The following RIC1 variants were observed in gnomAD, a reference collection of about 807,000 sequenced individuals.
RIC1 encodes RIC1 partner of RAB6A GEF complex.
In RIC1, 88 loss-of-function variants were observed where a neutral mutation model predicts 169.0. That is an observed-to-expected ratio of 0.52 (90% CI 0.44 to 0.62). The LOEUF (loss-of-function observed/expected upper bound fraction) is 0.62. Ranked by LOEUF, RIC1 falls within the 20% of genes least tolerant of loss-of-function variation. The pLI, the probability that RIC1 is intolerant of heterozygous loss-of-function variation, is 0.00. For missense variants in RIC1, 1,877 were observed against 1,725.5 expected (o/e 1.09, Z -1.56); for synonymous variants, 790 against 601.5 (o/e 1.31, Z -4.59).
At chr9:5,657,631 C>G (rs1819178444) in intron 2 of RIC1, among the ~76,000 whole-genome samples, 2 of 152,052 alleles carry the variant, frequency 1.3e-5, no homozygotes, top group Non-Finnish European at 2.9e-5. Context: ...TAATTTATCT[C>G]TTTGCGTTGG....
chr9:5,681,731 G>T (rs200516541), intron 2 of RIC1, among the ~76,000 whole-genome samples: 4 of 152,114 alleles, frequency 2.6e-5, no homozygotes, highest in African/African-American at 4.8e-5. Context: ...CTGTCTAATG[G>T]TGACAGTGGG....
At chr9:5,636,748 T>C (rs1017441880) in intron 1 of RIC1, among the ~76,000 whole-genome samples, 2 of 152,218 alleles carry the variant, frequency 1.3e-5, no homozygotes, top group Non-Finnish European at 2.9e-5. Context: ...TTGGTGGTTT[T>C]TAGGTTTTTC....
At chr9:5,657,984 T>C (rs922095536) in intron 2 of RIC1, among the ~76,000 whole-genome samples, 1 of 152,128 alleles carries the variant, frequency 6.6e-6, no homozygotes, top group Non-Finnish European at 1.5e-5. Context: ...CAATAGCAGA[T>C]TGAATTGAAG....
In RIC1 at chr9:5,726,372, C is replaced by G. The variant is rs1292078130; in HGVS notation, c.720+5622C>G. ...TCTGTTTTATCAGATACTAGGATTG[C>G]AACCCCTGCTTTTTTTTGTTTTCCA... On this transcript the variant is annotated intron_variant, in intron 6 of 25. Coordinates refer to ENST00000414202, the MANE Select transcript of RIC1 (RefSeq NM_020829.4). Among the ~76,000 whole-genome samples the G allele has an allele frequency of 8.5e-5, 13 of 152,292 alleles. No homozygotes were observed. The East Asian group carries it at 2.3e-3, about 27-fold the overall frequency.
intron 1 of RIC1, among the ~76,000 whole-genome samples, chr9:5,652,117 G>A (rs1818838299): frequency 6.6e-6 from 1 of 152,060 alleles, no homozygotes; most frequent in Non-Finnish European, 1.5e-5. Context: ...ATACAGCTTT[G>A]TAGTATATTT....
intron 2 of RIC1, among the ~76,000 whole-genome samples, chr9:5,673,655 C>T (rs1820261551): frequency 6.6e-6 from 1 of 150,586 alleles, no homozygotes; most frequent in Non-Finnish European, 1.5e-5. Flanking sequence ...TGGAATATCA[C>T]ACAAATACTA....
Position 5,752,283 on chromosome 9 carries a change from A to G in RIC1, c.1453-917A>G, listed in dbSNP as rs140613652. Among the ~76,000 whole-genome samples the G allele has an allele frequency of 1.1e-4, 17 of 152,294 alleles. No individual in the cohort carries two copies. The East Asian group carries it at 3.3e-3, about 29-fold the overall frequency. ...AAAGTTCTTGTAGATAAGTAAGTCAAATACCCCAATAGAAAAATAATAGCT... is the reference window on the plus strand; with the variant it reads ...AAAGTTCTTGTAGATAAGTAAGTCAGATACCCCAATAGAAAAATAATAGCT... On this transcript the variant is annotated intron_variant, in intron 12 of 25. Coordinates refer to ENST00000414202, the MANE Select transcript of RIC1 (RefSeq NM_020829.4).
intron 4 of RIC1, among the ~76,000 whole-genome samples, chr9:5,717,154 T>C (rs1166023931): frequency 1.3e-5 from 2 of 152,212 alleles, no homozygotes; most frequent in East Asian, 1.9e-4. Flanking sequence ...TAGGTTACAT[T>C]TTCCTGTTTA....
At chr9:5,717,844 A>T (rs530565459) in intron 4 of RIC1, among the ~76,000 whole-genome samples, 3 of 151,100 alleles carry the variant, frequency 2.0e-5, no homozygotes, top group South Asian at 2.1e-4. Flanking sequence ...TTAAAAATAA[A>T]AAAAAAAAAA....
intron 11 of RIC1, 62 bp downstream of exon 11, chr9:5,746,145 T>A (rs997544014): frequency 1.5e-6 from 2 of 1,326,074 alleles, no homozygotes; most frequent in Non-Finnish European, 2.1e-6. Flanking sequence ...AGACCCTTCT[T>A]TATGACATAT....
At position 5,655,362 on chromosome 9, in the gene RIC1, A is replaced by G. The variant is rs138433706; in HGVS notation, c.145-1221A>G. Among the ~76,000 whole-genome samples the G allele has an allele frequency of 3.3e-5, 5 of 152,042 alleles. No individual in the cohort carries two copies. The East Asian group carries it at 9.7e-4, about 29-fold the overall frequency. On this transcript the variant is annotated intron_variant, in intron 1 of 25. Transcript: ENST00000414202. Reference sequence around the variant, plus strand: ...TTTGCCCAGGCTGGAGTGCAGTCTCACAATCTCAGCTCACTGCAACCTCCA... The same window carrying G: ...TTTGCCCAGGCTGGAGTGCAGTCTCGCAATCTCAGCTCACTGCAACCTCCA...
intron 6 of RIC1, among the ~76,000 whole-genome samples, chr9:5,725,148 G>T (rs1823883126): frequency 1.3e-5 from 2 of 152,100 alleles, no homozygotes; most frequent in African/African-American, 2.4e-5. Flanking sequence ...GTTCCTCTTT[G>T]TACCTCTGAT....
At chr9:5,695,771 A>G (rs1003506713) in intron 3 of RIC1, among the ~76,000 whole-genome samples, 9 of 151,952 alleles carry the variant, frequency 5.9e-5, no homozygotes, top group African/African-American at 1.2e-4. Flanking sequence ...GGGTTTCACT[A>G]TGTTGGCCAG....
At chr9:5,769,628 T>G (rs1342801124) in intron 22 of RIC1, 1 of 403,454 alleles carries the variant, frequency 2.5e-6, no homozygotes, top group African/African-American at 2.1e-5. Flanking sequence ...AGGGGAACAG[T>G]AAGGCCACCT....
At chr9:5,751,382 G>A (rs1274904461) in intron 12 of RIC1, among the ~76,000 whole-genome samples, 1 of 151,846 alleles carries the variant, frequency 6.6e-6, no homozygotes, top group Non-Finnish European at 1.5e-5. Context: ...GGGAGACAGA[G>A]TCTCACTCTG....
At chr9:5,663,558 C>A (rs1268000415) in intron 2 of RIC1, among the ~76,000 whole-genome samples, 5 of 151,832 alleles carry the variant, frequency 3.3e-5, no homozygotes, top group African/African-American at 1.2e-4. Flanking sequence ...TAAATTGAAC[C>A]CTTTATGTAA....
At chr9:5,721,470 G>C (rs1823584863) in intron 6 of RIC1, among the ~76,000 whole-genome samples, 1 of 152,194 alleles carries the variant, frequency 6.6e-6, no homozygotes, top group Non-Finnish European at 1.5e-5. Context: ...ACACGCTGAA[G>C]AGCCCCAGGG....
At chr9:5,708,236 T>A (rs1333930558) in intron 3 of RIC1, among the ~76,000 whole-genome samples, 1 of 152,140 alleles carries the variant, frequency 6.6e-6, no homozygotes, top group East Asian at 1.9e-4. Flanking sequence ...CTTTATACAT[T>A]GTGTAACTGT....
chr9:5,762,676 G>C lies in RIC1; in HGVS notation c.2112+16G>C, dbSNP rs760534093. The C allele has an allele frequency of 1.2e-6, 2 of 1,610,616 alleles. No homozygotes were observed. The highest frequency in any genetic ancestry group is 1.1e-5 in the South Asian group (1 of 90,364). On this transcript the variant is annotated intron_variant, in intron 18 of 25. Coordinates refer to ENST00000414202, the MANE Select transcript of RIC1 (RefSeq NM_020829.4). ...AAGGAAACTTGTGAGTAAAGTACTA[G>C]TCATTTCTTTTCAAACATTAAGAAG...
Sources: allele counts gnomAD v4.1 joint callset (sites outside exome capture counted in the v4.1 genomes callset), GRCh38; gene constraint gnomAD v4.1.1; transcripts MANE v1.5; gene names NCBI Gene and HGNC (gene_info 2026-07-23, HGNC 2026-07-21).